MTAP: variants seen among roughly 807,000 people sequenced by gnomAD.
MTAP encodes S-methyl-5'-thioadenosine phosphorylase.
In MTAP, 33 loss-of-function variants were observed where a neutral mutation model predicts 33.6. That is an observed-to-expected ratio of 0.98 (90% CI 0.74 to 1.31). The LOEUF is 1.31. Among genes scored for constraint, MTAP ranks in the 40% most tolerant of loss-of-function variants. The pLI, the probability that MTAP is intolerant of heterozygous loss-of-function variation, is 0.00. For synonymous variants in MTAP, 148 were observed against 125.7 expected (o/e 1.18, Z -1.19); for missense variants, 367 against 360.0 (o/e 1.02, Z -0.16).
intron 6 of MTAP, among the ~76,000 whole-genome samples, chr9:21,857,211 C>G (rs1212050086): frequency 6.6e-6 from 1 of 152,124 alleles, no homozygotes; most frequent in African/African-American, 2.4e-5. Flanking sequence ...AGTGTCTATA[C>G]AGAAATAACC....
chr9:21,904,482 T>C (rs922225472), intron 1 of MTAP, among the ~76,000 whole-genome samples: 4 of 152,046 alleles, frequency 2.6e-5, no homozygotes, highest in African/African-American at 9.7e-5. Context: ...CCCATATCAA[T>C]AGTATCATCA....
chr9:21,908,550 GAAGT>G (rs1312486168), intron 1 of MTAP, among the ~76,000 whole-genome samples: 2 of 152,072 alleles, frequency 1.3e-5, no homozygotes, highest in Admixed American at 6.6e-5. Context: ...CATTACATTT[GAAGT>G]AAGTTTCTTA....
At chr9:21,933,848 A>C (rs748978010), downstream of MTAP, 2 of 152,222 alleles carry the variant, frequency 1.3e-5, no homozygotes, top group Non-Finnish European at 2.9e-5. Context: ...TCCTAAAATT[A>C]ACTTATAAAG....
downstream of MTAP, chr9:21,933,048 G>A (rs1344622753): frequency 1.3e-5 from 2 of 152,148 alleles, no homozygotes; most frequent in Non-Finnish European, 2.9e-5. Context: ...CAAAATCTAA[G>A]CTCAGAGGCA....
At chr9:21,895,542 G>A (rs544990867) in intron 1 of MTAP, among the ~76,000 whole-genome samples, 28 of 152,182 alleles carry the variant, frequency 1.8e-4, no homozygotes, top group Admixed American at 4.6e-4. Flanking sequence ...GCCAGGGGTC[G>A]GGAATTCCCT....
At chr9:21,896,697 C>G (rs200480003) in intron 1 of MTAP, among the ~76,000 whole-genome samples, 1 of 152,176 alleles carries the variant, frequency 6.6e-6, no homozygotes, top group East Asian at 1.9e-4. Flanking sequence ...AAGTTGAATC[C>G]CTGAATAGAC....
chr9:21,930,895 T>C, intron 1 of MTAP: 1 of 627,374 alleles, frequency 1.6e-6, no homozygotes, highest in Non-Finnish European at 2.9e-6. Context: ...AAATGGGATC[T>C]TCCCTGGGTT....
downstream of MTAP, among the ~76,000 whole-genome samples, chr9:21,938,336 G>A (rs900203415): frequency 6.6e-6 from 1 of 151,848 alleles, no homozygotes; most frequent in East Asian, 1.9e-4. Context: ...TACTTGGGAG[G>A]CTGAGGTGGG....
intron 1 of MTAP, among the ~76,000 whole-genome samples, chr9:21,884,940 C>T (rs1030178732): frequency 1.3e-5 from 2 of 152,088 alleles, no homozygotes; most frequent in African/African-American, 4.8e-5. Context: ...AAGGAAACCA[C>T]TACCATAAAA....
chr9:21,864,578 C>T lies in MTAP; in HGVS notation c.*2564C>T. 1 of 985,466 alleles carries T rather than the reference C, an allele frequency of 1.0e-6. No homozygotes were observed. The highest frequency in any genetic ancestry group is 1.2e-6 in the Non-Finnish European group (1 of 829,992). 61.0% of individuals were successfully genotyped at this position (985,466 alleles called of 1,614,324 possible). A position where few individuals can be genotyped will look rare whatever the true frequency, so the allele number is the denominator to read the frequency against. On this transcript the variant is annotated 3_prime_UTR_variant, in exon 8 of 8. Transcript: ENST00000644715. ...ATGGTTTTGAGAATGACATCCTGGC[C>T]CTGTGGTCCCCGAGGGTCATGGTCC...
At chr9:21,884,322 CA>C (rs1818071786) in intron 1 of MTAP, among the ~76,000 whole-genome samples, 1 of 152,062 alleles carries the variant, frequency 6.6e-6, no homozygotes, top group African/African-American at 2.4e-5. Flanking sequence ...ACACAATGCT[CA>C]GAATGGATAA....
intron 4 of MTAP, among the ~76,000 whole-genome samples, chr9:21,829,102 T>C (rs533281877): frequency 9.8e-5 from 15 of 152,312 alleles, no homozygotes; most frequent in African/African-American, 3.1e-4. Flanking sequence ...GTAAAGTGAA[T>C]CTTGGTGTAT....
intron 1 of MTAP, chr9:21,929,567 C>G: frequency 2.7e-6 from 1 of 365,228 alleles, no homozygotes; most frequent in Non-Finnish European, 5.7e-6. Flanking sequence ...ACAGGATCCC[C>G]TTACTCCACC....
Position 21,816,748 on chromosome 9 carries a change from AT to A in MTAP, c.156del (p.Asn52LysfsTer30). The A allele has an allele frequency of 6.2e-7, 1 of 1,612,446 alleles. No individual in the cohort carries two copies. Among genetic ancestry groups the A allele is most frequent in the Non-Finnish European group, 8.5e-7 (1 of 1,179,374 alleles). ...SDALILGKIK[N>X]VDCVLLARHG... ...GCCTTAATTTTGGGGAAGATAAAAA[AT>A]GTTGATTGCGTCCTCCTTGCAAGGT... On this transcript the variant is annotated frameshift_variant, in exon 3 of 8. Coordinates refer to ENST00000644715, the MANE Select transcript of MTAP (RefSeq NM_002451.4). LOFTEE classifies it high-confidence loss of function.
At chr9:21,883,748 A>T (rs75433935) in intron 1 of MTAP, among the ~76,000 whole-genome samples, 85 of 151,498 alleles carry the variant, frequency 5.6e-4, no homozygotes, top group Non-Finnish European at 9.6e-4. Flanking sequence ...TGAGCAAACA[A>T]TAGGGAACCC....
chr9:21,914,752 G>A (rs1818645133), intron 1 of MTAP, among the ~76,000 whole-genome samples: 1 of 150,606 alleles, frequency 6.6e-6, no homozygotes, highest in Non-Finnish European at 1.5e-5. Context: ...TGCACATTGT[G>A]CACATGTACC....
intron 4 of MTAP, among the ~76,000 whole-genome samples, chr9:21,829,619 C>G (rs570650586): frequency 1.3e-5 from 2 of 148,840 alleles, no homozygotes; most frequent in South Asian, 2.1e-4. Flanking sequence ...TTTGTCAGCA[C>G]GTTGTCTCAG....
rs1167605877 is a variant in MTAP, at chr9:21,862,558, A to C, written c.*544A>C. 6.6e-6 allele frequency: 1 copy of C among 152,250 alleles called. No homozygotes were observed. Among genetic ancestry groups the C allele is most frequent in the Non-Finnish European group, 1.5e-5 (1 of 68,074 alleles). 9.4% of individuals were successfully genotyped at this position (152,250 alleles called of 1,614,324 possible). A position where few individuals can be genotyped will look rare whatever the true frequency, so the allele number is the denominator to read the frequency against. On this transcript the variant is annotated 3_prime_UTR_variant, in exon 8 of 8. Coordinates refer to ENST00000644715, the MANE Select transcript of MTAP (RefSeq NM_002451.4). ...GAATTATATATAAAGAAGGGTGTTT[A>C]ATAATGATAGTTATAATAATAAATA...
chr9:21,850,277 T>C (rs992587927), intron 5 of MTAP, among the ~76,000 whole-genome samples: 1 of 152,182 alleles, frequency 6.6e-6, no homozygotes, highest in African/African-American at 2.4e-5. Context: ...AGATACTCCT[T>C]CTAAGGTGAA....
Sources: gnomAD v4.1 joint callset for allele counts (sites outside exome capture counted in the v4.1 genomes callset) on GRCh38, gnomAD v4.1.1 for gene constraint, MANE v1.5 for transcripts, NCBI Gene and HGNC (gene_info 2026-07-23, HGNC 2026-07-21) for gene names.